Variants in ADD3 observed in about 807,000 individuals in gnomAD.
ADD3 encodes adducin 3, also known as gamma-adducin.
In ADD3, 25 loss-of-function variants were observed where a neutral mutation model predicts 80.2. The ratio of observed to expected loss-of-function variants is 0.31; its 90% CI spans 0.23 to 0.44. The LOEUF (loss-of-function observed/expected upper bound fraction) is 0.44, where lower values mean the gene tolerates loss of function less well. Among genes scored for constraint, ADD3 ranks in the 20% least tolerant of loss-of-function variants. The pLI is 1.00. For synonymous variants in ADD3, 284 were observed against 289.6 expected, an observed-to-expected ratio of 0.98 and a Z score of 0.20; for missense variants, 829 against 847.5, an observed-to-expected ratio of 0.98 and a Z score of 0.27.
chr10:110,013,038 A>G (rs1462878869), intron 1 of ADD3, among the ~76,000 whole-genome samples: 1 of 152,118 alleles, frequency 6.6e-6, no homozygotes, highest in Non-Finnish European at 1.5e-5. Context: ...TATACGGTAC[A>G]TAAACTGGCA....
intron 12 of ADD3, among the ~76,000 whole-genome samples, chr10:110,128,964 A>T (rs535513671): frequency 6.6e-6 from 1 of 152,280 alleles, no homozygotes; most frequent in South Asian, 2.1e-4. Flanking sequence ...CTGTAGGGTG[A>T]TTGGATGTGG....
chr10:110,079,787 T>A (rs1449471272), intron 1 of ADD3, among the ~76,000 whole-genome samples: 1 of 152,136 alleles, frequency 6.6e-6, no homozygotes, highest in African/African-American at 2.4e-5. Flanking sequence ...GTGATCCACC[T>A]GCCTCAGCCT....
chr10:110,013,171 C>T (rs911310682), intron 1 of ADD3, among the ~76,000 whole-genome samples: 2 of 152,078 alleles, frequency 1.3e-5, no homozygotes, highest in African/African-American at 4.8e-5. Context: ...GGTGTGACCT[C>T]GGCACACTGC....
In ADD3 at chr10:110,133,234, T is replaced by C. The variant is rs1378514761; in HGVS notation, c.1829-92T>C. ...TCTTCATTGGAATCAAAGTAATGCC[T>C]TATTACATTGCTAAAACATTTCAGT... On this transcript the variant is annotated intron_variant, in intron 14 of 14. Transcript: ENST00000356080. 5 of 1,283,714 alleles carry C rather than the reference T, an allele frequency of 3.9e-6. No homozygotes were observed. In the African/African-American group the frequency reaches 7.4e-5, roughly 19 times the overall value. The allele number at this position is 1,283,714 out of a possible 1,614,324, so 79.5% of individuals were successfully genotyped here.
chr10:110,032,670 C>A (rs957491968), intron 1 of ADD3, among the ~76,000 whole-genome samples: 1 of 152,136 alleles, frequency 6.6e-6, no homozygotes, highest in East Asian at 1.9e-4. Context: ...TCTACCATTA[C>A]CCTAAGTGTG....
rs745382433 is a variant in ADD3 at position 110,124,270 on chromosome 10, T to C, written c.1397T>C (p.Ile466Thr). The change falls in exon 10 of 15, where the codon ATC becomes ACC. Residue 466 changes from isoleucine to threonine, a missense_variant. Physicochemically the swap from Ile to Thr is moderately conservative, Grantham distance 89. Coordinates refer to ENST00000356080, the MANE Select transcript of ADD3 (RefSeq NM_016824.5). ...GGAGAAACCAGTCCCCGAACCAAAA[T>C]CACGGTATGCCAGTATTTTATGTAG... ...RNGETSPRTK[I>T]TWMKAEDSSK... 4.3e-6 allele frequency: 7 copies of C among 1,613,832 alleles called. No individual in the cohort carries two copies. The highest frequency in any genetic ancestry group is 5.9e-6 in the Non-Finnish European group (7 of 1,179,688).
chr10:110,022,149 A>T (rs183435817), intron 1 of ADD3, among the ~76,000 whole-genome samples: 1 of 152,042 alleles, frequency 6.6e-6, no homozygotes, highest in Admixed American at 6.6e-5. Context: ...TTTTTTTTTA[A>T]CACTTGATTT....
intron 2 of ADD3, among the ~76,000 whole-genome samples, chr10:110,105,545 GT>G (rs1395210186): frequency 6.6e-6 from 1 of 152,178 alleles, no homozygotes; most frequent in Non-Finnish European, 1.5e-5. Flanking sequence ...TAACAAAACA[GT>G]TGCTGGGCTT....
chr10:110,078,593 G>A (rs145772698), intron 1 of ADD3, among the ~76,000 whole-genome samples: 1,622 of 152,270 alleles, frequency 0.011, 13 homozygotes, highest in Non-Finnish European at 0.017. Context: ...CTGGCTACTC[G>A]TGGACATTGG....
chr10:110,036,395 T>TC lies in ADD3; in HGVS notation c.-30+28097dup, dbSNP rs1408010639. On this transcript the variant is annotated intron_variant, in intron 1 of 14. Coordinates refer to ENST00000356080, the MANE Select transcript of ADD3 (RefSeq NM_016824.5). ...AGTGTCTTTTTTTTTTTTTTTTTTTTCTTGAGACGAGTCTTGCTCTGTCGC... is the reference window on the plus strand; with the variant it reads ...AGTGTCTTTTTTTTTTTTTTTTTTTTCCTTGAGACGAGTCTTGCTCTGTCGC... Among the ~76,000 whole-genome samples the TC allele has an allele frequency of 1.7e-4, 25 of 149,142 alleles. No homozygotes were observed. The East Asian group carries it at 2.1e-3, about 13-fold the overall frequency.
chr10:110,108,381 G>A (rs1849622954), intron 2 of ADD3, among the ~76,000 whole-genome samples: 1 of 152,094 alleles, frequency 6.6e-6, no homozygotes, highest in Non-Finnish European at 1.5e-5. Flanking sequence ...ATAAAATTAG[G>A]AAAAGAACTT....
chr10:110,008,535 G>T (rs1312041535), intron 1 of ADD3, among the ~76,000 whole-genome samples: 4 of 152,160 alleles, frequency 2.6e-5, no homozygotes, highest in Admixed American at 6.5e-5. Context: ...ACCTGCGGGG[G>T]AGGGTCCGGG....
At chr10:110,089,139 A>C (rs978723118) in intron 1 of ADD3, among the ~76,000 whole-genome samples, 1 of 152,184 alleles carries the variant, frequency 6.6e-6, no homozygotes, top group Non-Finnish European at 1.5e-5. Context: ...GTAAAGTATG[A>C]AGTATGTGAG....
At chr10:110,029,551 T>G (rs889684154) in intron 1 of ADD3, among the ~76,000 whole-genome samples, 5 of 152,186 alleles carry the variant, frequency 3.3e-5, no homozygotes, top group African/African-American at 1.2e-4. Flanking sequence ...TACTGAAAAG[T>G]GGGAAAGCAT....
intron 2 of ADD3, among the ~76,000 whole-genome samples, chr10:110,101,806 A>G (rs1256365937): frequency 6.6e-6 from 1 of 151,980 alleles, no homozygotes. Flanking sequence ...TGCAAAATGA[A>G]TTTGTAACTT....
chr10:110,074,048 G>A (rs548304458), intron 1 of ADD3, among the ~76,000 whole-genome samples: 1 of 152,128 alleles, frequency 6.6e-6, no homozygotes, highest in South Asian at 2.1e-4. Context: ...GCTGTTTTAA[G>A]TCACTAATAG....
intron 1 of ADD3, among the ~76,000 whole-genome samples, chr10:110,058,644 A>T (rs571712515): frequency 1.3e-5 from 2 of 152,196 alleles, no homozygotes; most frequent in African/African-American, 2.4e-5. Context: ...ATAATTCTAT[A>T]GCATTTTCTT....
intron 12 of ADD3, among the ~76,000 whole-genome samples, chr10:110,127,795 G>A (rs909086698): frequency 2.0e-5 from 3 of 152,164 alleles, no homozygotes; most frequent in Admixed American, 6.5e-5. Flanking sequence ...ATTGTATTCC[G>A]TTTCCTGTAT....
intron 1 of ADD3, among the ~76,000 whole-genome samples, chr10:110,009,749 C>T (rs542503370): frequency 6.6e-6 from 1 of 152,304 alleles, no homozygotes; most frequent in East Asian, 1.9e-4. Flanking sequence ...TGTGATAACA[C>T]TTAAGGTGCC....
Sources: allele counts gnomAD v4.1 joint callset (sites outside exome capture counted in the v4.1 genomes callset), GRCh38; gene constraint gnomAD v4.1.1; transcripts MANE v1.5; gene names NCBI Gene and HGNC (gene_info 2026-07-23, HGNC 2026-07-21).